Variants in GFRA2 observed in about 807,000 individuals in gnomAD.
GFRA2 encodes GDNF family receptor alpha-2.
GFRA2 carries 17 observed loss-of-function variants against 48.3 expected under a neutral mutation model. The observed-to-expected ratio is 0.35, with a 90% CI of 0.24 to 0.53. GFRA2 has a LOEUF of 0.53. Ranked by LOEUF, GFRA2 falls within the 20% of genes least tolerant of loss-of-function variation. GFRA2 has a pLI of 0.93. For missense variants in GFRA2, 660 were observed against 637.3 expected (o/e 1.04, Z -0.38); for synonymous variants, 305 against 257.2 (o/e 1.19, Z -1.78).
At chr8:21,807,173 A>G (rs1807887552) in intron 1 of GFRA2, among the ~76,000 whole-genome samples, 1 of 152,244 alleles carries the variant, frequency 6.6e-6, no homozygotes. Flanking sequence ...TCATTATAGT[A>G]GTATTCAGCA....
intron 2 of GFRA2, among the ~76,000 whole-genome samples, chr8:21,800,560 G>A (rs1807751697): frequency 6.6e-6 from 1 of 152,248 alleles, no homozygotes; most frequent in South Asian, 2.1e-4. Flanking sequence ...CTGGGCTTCT[G>A]TGAGGTAACT....
In GFRA2 at chr8:21,712,127, C is replaced by G. The variant is rs1250522154; in HGVS notation, c.795-6086G>C. Among the ~76,000 whole-genome samples the G allele has an allele frequency of 2.0e-5, 3 of 152,384 alleles. No individual in the cohort carries two copies. The East Asian group carries it at 5.8e-4, about 29-fold the overall frequency. ...CCATCCAATTTCTCAATCTTTTCCC[C>G]ACCTTTCCCCCTTTTCTATTCCACA... On this transcript the variant is annotated intron_variant, in intron 4 of 8. Transcript: ENST00000524240.
intron 2 of GFRA2, among the ~76,000 whole-genome samples, chr8:21,796,565 C>G (rs1353257139): frequency 1.3e-5 from 2 of 152,258 alleles, no homozygotes; most frequent in Non-Finnish European, 2.9e-5. Context: ...TAGTGTTTCT[C>G]TCTGAGGACA....
At chr8:21,744,560 C>CAT (rs1804906107) in intron 4 of GFRA2, among the ~76,000 whole-genome samples, 2 of 132,024 alleles carry the variant, frequency 1.5e-5, no homozygotes, top group South Asian at 4.4e-4. Flanking sequence ...AACACACACA[C>CAT]ACACACACAC....
upstream of GFRA2, among the ~76,000 whole-genome samples, chr8:21,793,866 G>GTTT (rs770753159): frequency 2.9e-3 from 391 of 135,326 alleles, 5 homozygotes; most frequent in East Asian, 0.029. Context: ...GAGAATCAAA[G>GTTT]TTTTTTTTTT....
chr8:21,722,827 T>C (rs1803671336), intron 4 of GFRA2, among the ~76,000 whole-genome samples: 1 of 152,220 alleles, frequency 6.6e-6, no homozygotes, highest in Non-Finnish European at 1.5e-5. Flanking sequence ...CTGGGAGCCA[T>C]GCCCATGGCC....
intron 4 of GFRA2, among the ~76,000 whole-genome samples, chr8:21,718,536 C>G (rs949257350): frequency 6.6e-6 from 1 of 152,182 alleles, no homozygotes; most frequent in Non-Finnish European, 1.5e-5. Context: ...TCCCTCAATG[C>G]TCACTGATGT....
chr8:21,694,482 T>C lies in GFRA2; in HGVS notation c.1254A>G (p.Leu418=). The C allele has an allele frequency of 6.2e-7, 1 of 1,612,524 alleles. No homozygotes were observed. Among genetic ancestry groups the C allele is most frequent in the Non-Finnish European group, 8.5e-7 (1 of 1,179,568 alleles). ...AACTCACCTCTGTGAAGCACATGCT[T>C]AACTCTTTGGAGTTGTTGGCCTTCA... ...QGLKANNSKE[L]SMCFTELTTN... is the part of the protein sequence containing the mutation. Residue 418 remains leucine, a synonymous_variant, in exon 8 of 9, where the codon TTA becomes TTG. Coordinates refer to ENST00000524240, the MANE Select transcript of GFRA2 (RefSeq NM_001495.5).
At chr8:21,743,659 A>T (rs1040843265) in intron 4 of GFRA2, among the ~76,000 whole-genome samples, 1 of 151,706 alleles carries the variant, frequency 6.6e-6, no homozygotes, top group Non-Finnish European at 1.5e-5. Context: ...TAGTCCCAGG[A>T]CCCCCACTCC....
chr8:21,712,508 T>C (rs1391148834), intron 4 of GFRA2, among the ~76,000 whole-genome samples: 1 of 148,036 alleles, frequency 6.8e-6, no homozygotes, highest in East Asian at 2.0e-4. Flanking sequence ...GCAGAGACGC[T>C]CCTCACTTTC....
chr8:21,693,071 G>A lies in GFRA2; in HGVS notation c.*207C>T. ...CCCCTGCCAGGGGACCCCTGGGCCAGCTCTCAGGCTGCCTGCCTGCTTGTC... is the reference window on the plus strand; with the variant it reads ...CCCCTGCCAGGGGACCCCTGGGCCAACTCTCAGGCTGCCTGCCTGCTTGTC... On this transcript the variant is annotated 3_prime_UTR_variant, in exon 9 of 9. Transcript: ENST00000524240. The A allele has an allele frequency of 2.4e-6, 1 of 413,186 alleles. No homozygotes were observed. The allele number at this position is 413,186 out of a possible 1,614,324, so 25.6% of individuals were successfully genotyped here. A position where few individuals can be genotyped will look rare whatever the true frequency, so the allele number is the denominator to read the frequency against.
upstream of GFRA2, among the ~76,000 whole-genome samples, chr8:21,792,784 G>T (rs1404242256): frequency 6.6e-6 from 1 of 152,212 alleles, no homozygotes; most frequent in Non-Finnish European, 1.5e-5. Flanking sequence ...TTCTCAGGAG[G>T]CTGGGTGTGG....
At chr8:21,809,701 C>G (rs1196776858) in intron 1 of GFRA2, among the ~76,000 whole-genome samples, 1 of 152,228 alleles carries the variant, frequency 6.6e-6, no homozygotes, top group Non-Finnish European at 1.5e-5. Context: ...CATCATCGCA[C>G]TGTGTTGCCC....
rs997329427 is a variant in GFRA2 at position 21,690,412 on chromosome 8, C to A, written c.*2866G>T. 1 of 152,168 alleles carries A rather than the reference C, an allele frequency of 6.6e-6. No individual in the cohort carries two copies. Among genetic ancestry groups the A allele is most frequent in the Non-Finnish European group, 1.5e-5 (1 of 68,032 alleles). 9.4% of individuals were successfully genotyped at this position (152,168 alleles called of 1,614,324 possible). On this transcript the variant is annotated 3_prime_UTR_variant, in exon 9 of 9. Coordinates refer to ENST00000524240, the MANE Select transcript of GFRA2 (RefSeq NM_001495.5). The stretch of plus-strand genomic sequence containing the variant: ...ATTAAATTAACTAACATTAAGATAG[C>A]AACAATTTATTCTTCTAGTTCGATT...
chr8:21,758,649 G>A (rs977050677), intron 3 of GFRA2, among the ~76,000 whole-genome samples: 5 of 152,010 alleles, frequency 3.3e-5, no homozygotes, highest in Non-Finnish European at 5.9e-5. Flanking sequence ...TGCCTTTCTC[G>A]GTCTCATTTC....
At chr8:21,711,987 C>A (rs982885995) in intron 4 of GFRA2, among the ~76,000 whole-genome samples, 3 of 152,200 alleles carry the variant, frequency 2.0e-5, no homozygotes, top group Non-Finnish European at 4.4e-5. Context: ...TCAGAGAGCA[C>A]AGGGTTGGGG....
intron 4 of GFRA2, among the ~76,000 whole-genome samples, chr8:21,715,454 A>G (rs971919462): frequency 1.3e-5 from 2 of 152,170 alleles, no homozygotes; most frequent in African/African-American, 2.4e-5. Context: ...GGCTATAGGC[A>G]CGCACCACCA....
At chr8:21,709,508 G>A (rs181432787) in intron 4 of GFRA2, among the ~76,000 whole-genome samples, 240 of 152,296 alleles carry the variant, frequency 1.6e-3, no homozygotes, top group Middle Eastern at 6.8e-3. Context: ...GAGCCCTGCC[G>A]CGTGGCTAAC....
At chr8:21,770,988 C>T (rs1053949422) in intron 3 of GFRA2, among the ~76,000 whole-genome samples, 11 of 152,166 alleles carry the variant, frequency 7.2e-5, no homozygotes, top group African/African-American at 2.2e-4. Context: ...TCCACTTCAG[C>T]TCCTCAACCC....
Sources: gnomAD v4.1 joint callset for allele counts (sites outside exome capture counted in the v4.1 genomes callset) on GRCh38, gnomAD v4.1.1 for gene constraint, MANE v1.5 for transcripts, NCBI Gene and HGNC (gene_info 2026-07-23, HGNC 2026-07-21) for gene names.